The following HDAC9 variants were observed in gnomAD, a reference collection of about 807,000 sequenced individuals.
HDAC9 encodes histone deacetylase 9, also known as MEF-2 interacting transcription repressor (MITR) protein.
A neutral mutation model predicts 139.4 loss-of-function variants in HDAC9; 41 were observed. That is an observed-to-expected ratio of 0.29 (90% CI 0.23 to 0.38). HDAC9 has a LOEUF of 0.38. Among genes scored for constraint, HDAC9 ranks in the 10% least tolerant of loss-of-function variants. HDAC9 has a pLI of 1.00. For missense variants in HDAC9, 1,147 were observed against 1,297.0 expected, an observed-to-expected ratio of 0.88 and a Z score of 1.78; for synonymous variants, 517 against 476.2, an observed-to-expected ratio of 1.09 and a Z score of -1.12.
intron 2 of HDAC9, among the ~76,000 whole-genome samples, chr7:18,198,100 A>T (rs549511444): frequency 8.2e-4 from 125 of 152,262 alleles, no homozygotes; most frequent in Non-Finnish European, 1.5e-3. Context: ...ATCATCTTTT[A>T]TATCCCTTTT....
At chr7:18,753,747 G>A (rs534557565) in intron 14 of HDAC9, among the ~76,000 whole-genome samples, 14 of 152,012 alleles carry the variant, frequency 9.2e-5, no homozygotes, top group East Asian at 3.9e-4. Context: ...TATTAGATTC[G>A]ACCTTAGTTT....
At chr7:18,733,238 T>C (rs866790430) in intron 13 of HDAC9, among the ~76,000 whole-genome samples, 22 of 145,498 alleles carry the variant, frequency 1.5e-4, no homozygotes, top group African/African-American at 3.1e-4. Flanking sequence ...CATATATACA[T>C]GTGTATATAT....
At chr7:18,478,759 A>G (rs1282129511) in intron 1 of HDAC9, among the ~76,000 whole-genome samples, 1 of 152,216 alleles carries the variant, frequency 6.6e-6, no homozygotes, top group Non-Finnish European at 1.5e-5. Context: ...CTATCAATGT[A>G]TCAGAGTCCT....
intron 2 of HDAC9, among the ~76,000 whole-genome samples, chr7:18,167,629 TA>T (rs1205873173): frequency 1.3e-5 from 2 of 152,202 alleles, no homozygotes; most frequent in Non-Finnish European, 1.5e-5. Flanking sequence ...TCATGTATTC[TA>T]AGGTCATTGT....
chr7:18,484,071 G>T lies in HDAC9; in HGVS notation c.-41-12191G>T, dbSNP rs111473312. Among the ~76,000 whole-genome samples, 1,273 of 151,706 alleles carry T rather than the reference G, an allele frequency of 8.4e-3. 20 individuals are homozygous for T. The highest frequency in any genetic ancestry group is 0.029 in the African/African-American group (1,209 of 41,320). On this transcript the variant is annotated intron_variant, in intron 1 of 3. Transcript: ENST00000413509. Reference sequence around the variant, plus strand: ...ATTTAAAATACTGTTATGGGGCTGGGCATGGTGGCCACTGTAAGCCCAGCA... The same window carrying T: ...ATTTAAAATACTGTTATGGGGCTGGTCATGGTGGCCACTGTAAGCCCAGCA...
chr7:18,944,321 C>A (rs889853624), intron 23 of HDAC9, among the ~76,000 whole-genome samples: 2 of 152,160 alleles, frequency 1.3e-5, no homozygotes, highest in South Asian at 4.1e-4. Context: ...TTGTCTGAGT[C>A]GCTTTGCATG....
At chr7:18,607,093 G>T (rs148894485) in intron 6 of HDAC9, among the ~76,000 whole-genome samples, 1 of 152,282 alleles carries the variant, frequency 6.6e-6, no homozygotes, top group East Asian at 1.9e-4. Context: ...AAAAAGTTAA[G>T]TATGTTAGTT....
intron 2 of HDAC9, among the ~76,000 whole-genome samples, chr7:18,244,414 G>A (rs993079716): frequency 6.6e-6 from 1 of 152,154 alleles, no homozygotes; most frequent in Admixed American, 6.5e-5. Context: ...TTCATTTCTT[G>A]AAAACTTGCT....
At chr7:18,317,155 C>T (rs911322707) in intron 1 of HDAC9, among the ~76,000 whole-genome samples, 1 of 148,924 alleles carries the variant, frequency 6.7e-6, no homozygotes, top group African/African-American at 2.5e-5. Context: ...ATAAATGGCG[C>T]CACTGCACTC....
chr7:18,883,170 A>C (rs1331951306), intron 22 of HDAC9, among the ~76,000 whole-genome samples: 1 of 152,182 alleles, frequency 6.6e-6, no homozygotes, highest in Non-Finnish European at 1.5e-5. Flanking sequence ...TCTTAACATT[A>C]TGAATATGCC....
intron 2 of HDAC9, among the ~76,000 whole-genome samples, chr7:18,273,952 C>T (rs567372694): frequency 2.6e-5 from 4 of 152,158 alleles, no homozygotes; most frequent in Admixed American, 6.5e-5. Context: ...AGTGAAGATA[C>T]GGAGCAGTAG....
chr7:18,919,455 A>C (rs1235573130), intron 22 of HDAC9, among the ~76,000 whole-genome samples: 2 of 152,092 alleles, frequency 1.3e-5, no homozygotes, highest in Non-Finnish European at 2.9e-5. Context: ...GCAGTTACAT[A>C]AGTCTTACAA....
intron 21 of HDAC9, among the ~76,000 whole-genome samples, chr7:18,854,074 T>C (rs1441129139): frequency 6.6e-6 from 1 of 152,314 alleles, no homozygotes; most frequent in East Asian, 1.9e-4. Flanking sequence ...TGAAATACTT[T>C]TTAAAAACAA....
At chr7:18,600,650 C>A (rs1419157518) in intron 6 of HDAC9, among the ~76,000 whole-genome samples, 1 of 152,128 alleles carries the variant, frequency 6.6e-6, no homozygotes, top group Non-Finnish European at 1.5e-5. Context: ...TGTTCTTTTG[C>A]CGATACCACA....
chr7:18,777,991 T>C (rs1485318396), intron 16 of HDAC9, among the ~76,000 whole-genome samples: 2 of 151,932 alleles, frequency 1.3e-5, no homozygotes, highest in Non-Finnish European at 2.9e-5. Flanking sequence ...AATTGAAGTT[T>C]CCTATTCTAC....
intron 2 of HDAC9, among the ~76,000 whole-genome samples, chr7:18,204,179 A>G (rs1791333525): frequency 6.6e-6 from 1 of 152,094 alleles, no homozygotes; most frequent in African/African-American, 2.4e-5. Context: ...TCTGTTTAAG[A>G]TATTCCATTA....
At chr7:18,172,282 G>A (rs543862563) in intron 2 of HDAC9, among the ~76,000 whole-genome samples, 2 of 152,230 alleles carry the variant, frequency 1.3e-5, no homozygotes, top group East Asian at 3.9e-4. Flanking sequence ...ATTTCCGTGG[G>A]ATCGGTGGTG....
intron 21 of HDAC9, among the ~76,000 whole-genome samples, chr7:18,853,135 A>T (rs1797426468): frequency 6.6e-6 from 1 of 152,142 alleles, no homozygotes; most frequent in African/African-American, 2.4e-5. Context: ...GAGTTGCTTT[A>T]ATGTGGTTCA....
upstream of HDAC9, among the ~76,000 whole-genome samples, chr7:18,495,481 C>T (rs1247759588): frequency 2.0e-5 from 3 of 152,002 alleles, no homozygotes; most frequent in African/African-American, 7.2e-5. Flanking sequence ...GTAAAGCAAG[C>T]TTCGAGAGAG....
Sources: allele counts gnomAD v4.1 joint callset (sites outside exome capture counted in the v4.1 genomes callset), GRCh38; gene constraint gnomAD v4.1.1; transcripts MANE v1.5; gene names NCBI Gene and HGNC (gene_info 2026-07-23, HGNC 2026-07-21).